The following B3GALT1 variants were observed in gnomAD, a reference collection of about 807,000 sequenced individuals.
B3GALT1 encodes the protein beta-1,3-galactosyltransferase 1, also known as UDP-Gal:betaGlcNAc beta 1,3-galactosyltransferase, polypeptide 1.
In B3GALT1, 10 loss-of-function variants were observed where a neutral mutation model predicts 23.2. The ratio of observed to expected loss-of-function variants is 0.43; its 90% CI spans 0.27 to 0.73. The LOEUF (loss-of-function observed/expected upper bound fraction) is 0.73, where lower values mean the gene tolerates loss of function less well. Ranked by LOEUF, B3GALT1 falls within the 30% of genes least tolerant of loss-of-function variation. B3GALT1 has a pLI of 0.21. For missense variants in B3GALT1, 299 were observed against 405.4 expected, an observed-to-expected ratio of 0.74 and a Z score of 2.25; for synonymous variants, 156 against 141.5, an observed-to-expected ratio of 1.10 and a Z score of -0.73.
chr2:167,590,869 GAAAAA>G (rs1684668569), intron 2 of B3GALT1, among the ~76,000 whole-genome samples: 1 of 152,124 alleles, frequency 6.6e-6, no homozygotes, highest in Non-Finnish European at 1.5e-5. Flanking sequence ...ATGTCCAATT[GAAAAA>G]GGAGAGGGTA....
intron 3 of B3GALT1, among the ~76,000 whole-genome samples, chr2:167,735,433 G>C (rs1039169799): frequency 6.6e-6 from 1 of 152,220 alleles, no homozygotes; most frequent in East Asian, 1.9e-4. Flanking sequence ...CCAACCACAG[G>C]GGGAGAGCAA....
At chr2:167,567,795 T>C (rs1684201554) in intron 2 of B3GALT1, among the ~76,000 whole-genome samples, 1 of 152,162 alleles carries the variant, frequency 6.6e-6, no homozygotes, top group African/African-American at 2.4e-5. Flanking sequence ...GTACATCCCA[T>C]GGGTTTAGAC....
chr2:167,655,729 C>G (rs1442308650), intron 3 of B3GALT1, among the ~76,000 whole-genome samples: 4 of 152,078 alleles, frequency 2.6e-5, no homozygotes, highest in African/African-American at 4.8e-5. Flanking sequence ...GTAAATTAGC[C>G]TGTGAAAACT....
Position 167,677,867 on chromosome 2 carries a change from G to A in B3GALT1, c.-352+30901G>A, listed in dbSNP as rs60928363. ...GAAGCAAACAGGTCCTTATTCAAAT[G>A]GTGGCAGGAGAAAGAAGTACAGAGT... On this transcript the variant is annotated intron_variant, in intron 3 of 4. Coordinates refer to ENST00000392690, the MANE Select transcript of B3GALT1 (RefSeq NM_020981.4). Among the ~76,000 whole-genome samples the A allele has an allele frequency of 6.5e-3, 986 of 152,242 alleles. 10 individuals carry two copies. Among genetic ancestry groups the A allele is most frequent in the African/African-American group, 0.023 (935 of 41,544 alleles).
At chr2:167,842,932 T>C (rs551299915) in intron 4 of B3GALT1, among the ~76,000 whole-genome samples, 1 of 152,292 alleles carries the variant, frequency 6.6e-6, no homozygotes, top group African/African-American at 2.4e-5. Context: ...AGTGCCTTTC[T>C]GACATTTATT....
At chr2:167,628,261 C>T (rs1399540944) in intron 2 of B3GALT1, among the ~76,000 whole-genome samples, 2 of 151,592 alleles carry the variant, frequency 1.3e-5, no homozygotes, top group Non-Finnish European at 3.0e-5. Context: ...ACCCTTTATA[C>T]ATGGAAGTGG....
Position 167,336,433 on chromosome 2 carries a change from G to A in B3GALT1, c.-511+43099G>A, listed in dbSNP as rs188271630. 1.1e-4 allele frequency among the ~76,000 whole-genome samples: 16 copies of A among 152,244 alleles called. 1 individual carries two copies. The highest frequency in any genetic ancestry group is 6.8e-3 in the Middle Eastern group (2 of 294). The stretch of plus-strand genomic sequence containing the variant: ...TTGTCATTCAAATTCGTCTCTGAAC[G>A]ACCTTGCTGCTGCAGCACTCTGAGC... On this transcript the variant is annotated intron_variant, in intron 1 of 4. Transcript: ENST00000392690.
At chr2:167,371,155 T>C (rs555536811) in intron 1 of B3GALT1, among the ~76,000 whole-genome samples, 1 of 151,888 alleles carries the variant, frequency 6.6e-6, no homozygotes, top group East Asian at 1.9e-4. Context: ...TCAGAGCTTC[T>C]TTACAAAAAA....
chr2:167,293,984 G>C (rs1474881831), intron 1 of B3GALT1, among the ~76,000 whole-genome samples: 1 of 152,152 alleles, frequency 6.6e-6, no homozygotes, highest in Non-Finnish European at 1.5e-5. Flanking sequence ...GCGACTTTTA[G>C]GTGTCTGAAG....
At chr2:167,591,843 G>T (rs1310952522) in intron 2 of B3GALT1, among the ~76,000 whole-genome samples, 1 of 152,024 alleles carries the variant, frequency 6.6e-6, no homozygotes, top group Non-Finnish European at 1.5e-5. Context: ...GAGGGACAAG[G>T]TCAGAGGCAT....
intron 1 of B3GALT1, among the ~76,000 whole-genome samples, chr2:167,339,376 TTGAA>T (rs1046290834): frequency 6.6e-6 from 1 of 150,660 alleles, no homozygotes; most frequent in African/African-American, 2.4e-5. Flanking sequence ...AATTATGAAT[TTGAA>T]TGCATATGTG....
chr2:167,837,303 C>T (rs1378832352), intron 4 of B3GALT1, among the ~76,000 whole-genome samples: 5 of 152,028 alleles, frequency 3.3e-5, no homozygotes, highest in African/African-American at 1.2e-4. Context: ...CAGAGACACA[C>T]ATAGGCTCAA....
rs530002730 is a variant in B3GALT1, at chr2:167,844,649, G to A, written c.-229-24162G>A. ...CTGCTGGGCACCACAAGGATCCGTCGAGAGGGCAGCCGGAGGAGCAGGAGG... is the reference window on the plus strand; with the variant it reads ...CTGCTGGGCACCACAAGGATCCGTCAAGAGGGCAGCCGGAGGAGCAGGAGG... On this transcript the variant is annotated intron_variant, in intron 4 of 4. Coordinates refer to ENST00000392690, the MANE Select transcript of B3GALT1 (RefSeq NM_020981.4). Among the ~76,000 whole-genome samples the A allele has an allele frequency of 8.5e-5, 13 of 152,316 alleles. No homozygotes were observed. The East Asian group carries it at 1.9e-3, about 23-fold the overall frequency.
intron 3 of B3GALT1, among the ~76,000 whole-genome samples, chr2:167,648,234 C>T (rs879885984): frequency 6.6e-6 from 1 of 152,096 alleles, no homozygotes; most frequent in African/African-American, 2.4e-5. Context: ...AAATTCTGCT[C>T]TTATCATATG....
rs145418329 is a variant in B3GALT1, at chr2:167,613,950, C to G, written c.-409-32959C>G. Among the ~76,000 whole-genome samples the G allele has an allele frequency of 2.8e-3, 424 of 151,560 alleles. 1 individual carries two copies. Among genetic ancestry groups the G allele is most frequent in the African/African-American group, 1.0e-2 (413 of 41,426 alleles). On this transcript the variant is annotated intron_variant, in intron 2 of 4. Transcript: ENST00000392690. ...TTATAATCTACCAGAAATCAAGAAA[C>G]AAGAAAATATTAATGTCATGTTTAT...
intron 1 of B3GALT1, among the ~76,000 whole-genome samples, chr2:167,329,158 C>G (rs1226292715): frequency 6.6e-6 from 1 of 152,112 alleles, no homozygotes; most frequent in Non-Finnish European, 1.5e-5. Context: ...GCTATAAATT[C>G]TGTCTCAGGG....
At chr2:167,411,310 C>T (rs568733827) in intron 1 of B3GALT1, among the ~76,000 whole-genome samples, 1 of 148,952 alleles carries the variant, frequency 6.7e-6, no homozygotes, top group Admixed American at 6.7e-5. Flanking sequence ...TGTAAACTAT[C>T]CATCTGAGAA....
intron 2 of B3GALT1, among the ~76,000 whole-genome samples, chr2:167,632,781 G>T (rs1022990732): frequency 7.2e-5 from 11 of 151,988 alleles, no homozygotes; most frequent in Non-Finnish European, 1.0e-4. Flanking sequence ...CTTTTGCTGT[G>T]CAGAAGCTCT....
intron 1 of B3GALT1, among the ~76,000 whole-genome samples, chr2:167,404,441 T>C (rs1362324230): frequency 6.6e-6 from 1 of 152,160 alleles, no homozygotes; most frequent in Non-Finnish European, 1.5e-5. Flanking sequence ...GATTAGTGAT[T>C]GTACTAAGCT....
Sources: gnomAD v4.1 joint callset for allele counts (sites outside exome capture counted in the v4.1 genomes callset) on GRCh38, gnomAD v4.1.1 for gene constraint, MANE v1.5 for transcripts, NCBI Gene and HGNC (gene_info 2026-07-23, HGNC 2026-07-21) for gene names.